Variants in KIF26B observed in about 807,000 individuals in gnomAD.
KIF26B encodes the protein kinesin-like protein KIF26B.
A neutral mutation model predicts 151.2 loss-of-function variants in KIF26B; 63 were observed. The observed-to-expected ratio is 0.42, with a 90% CI of 0.34 to 0.51. KIF26B has a LOEUF of 0.51. KIF26B is among the 20% of genes least tolerant of loss of function. The pLI is 0.07. For missense variants in KIF26B, 2,813 were observed against 2,913.6 expected, an observed-to-expected ratio of 0.97 and a Z score of 0.79; for synonymous variants, 1,357 against 1,262.1, an observed-to-expected ratio of 1.08 and a Z score of -1.59.
In KIF26B at chr1:245,705,310, G is replaced by A. The variant is rs2044826611; in HGVS notation, c.*2704G>A. On this transcript the variant is annotated 3_prime_UTR_variant, in exon 15 of 15. Transcript: ENST00000407071. Reference sequence around the variant, plus strand: ...TTTGACCTAAATAAGCTGCAAACATGTTAATTTACCAATATTGATAAACCA... The same window carrying A: ...TTTGACCTAAATAAGCTGCAAACATATTAATTTACCAATATTGATAAACCA... The A allele has an allele frequency of 1.3e-5, 2 of 152,078 alleles. No homozygotes were observed. The highest frequency in any genetic ancestry group is 4.8e-5 in the African/African-American group (2 of 41,380). The allele number at this position is 152,078 out of a possible 1,614,324, so 9.4% of individuals were successfully genotyped here. A position where few individuals can be genotyped will look rare whatever the true frequency, so the allele number is the denominator to read the frequency against.
chr1:245,363,148 G>A (rs1245907860), intron 2 of KIF26B, among the ~76,000 whole-genome samples: 2 of 152,152 alleles, frequency 1.3e-5, no homozygotes, highest in East Asian at 3.9e-4. Context: ...GTCCATATCA[G>A]GAAAGCATGG....
chr1:245,477,702 G>T (rs1315229296), intron 4 of KIF26B, among the ~76,000 whole-genome samples: 1 of 151,626 alleles, frequency 6.6e-6, no homozygotes, highest in Non-Finnish European at 1.5e-5. Flanking sequence ...TGAAGGGAGA[G>T]CGGGCCTGTC....
At chr1:245,494,563 G>A (rs1219270806) in intron 4 of KIF26B, among the ~76,000 whole-genome samples, 1 of 151,934 alleles carries the variant, frequency 6.6e-6, no homozygotes, top group East Asian at 1.9e-4. Context: ...CTCATAAGTT[G>A]TTTCAATGAA....
intron 10 of KIF26B, among the ~76,000 whole-genome samples, chr1:245,664,654 TAATAA>T (rs1320205812): frequency 1.3e-5 from 2 of 152,218 alleles, no homozygotes; most frequent in South Asian, 4.1e-4. Context: ...AATGCTTTCT[TAATAA>T]AAGAAAATAC....
At chr1:245,652,102 CTGTGTGTGTGTGTGTGTGTGTGTGTGTG>C (rs56893913) in intron 10 of KIF26B, among the ~76,000 whole-genome samples, 1 of 136,354 alleles carries the variant, frequency 7.3e-6, no homozygotes, top group African/African-American at 2.9e-5. Context: ...ATGTAAGAAT[CTGTGTGTGTGTGTGTGTGTGTGTGTGTG>C]TGTGTGTGTG....
chr1:245,155,201 C>T lies in KIF26B; in HGVS notation c.-224C>T, dbSNP rs934010025. ...GCAGAAGGGGACGAGGAAAAGCATG[C>T]TTTGAAGAGAAGAATAAACCAGCGA... On this transcript the variant is annotated 5_prime_UTR_variant, in exon 1 of 15. Transcript: ENST00000407071. The T allele has an allele frequency of 8.7e-6, 5 of 576,758 alleles. No individual in the cohort carries two copies. The Admixed American group carries it at 1.7e-4, about 19-fold the overall frequency. 35.7% of individuals were successfully genotyped at this position (576,758 alleles called of 1,614,324 possible).
At chr1:245,678,391 G>A (rs76872557) in intron 10 of KIF26B, among the ~76,000 whole-genome samples, 2,008 of 152,228 alleles carry the variant, frequency 0.013, 52 homozygotes, top group African/African-American at 0.046. Flanking sequence ...TGGGTAGAGC[G>A]TGGGATGGTT....
rs576819367 is a variant in KIF26B at position 245,576,762 on chromosome 1, A to G, written c.1351-25815A>G. ...CCTCTGGCCTTTTTCTGTCTGGCAC[A>G]TTGTTTAGACAGGAGGGGTTTGTGT... On this transcript the variant is annotated intron_variant, in intron 5 of 14. Transcript: ENST00000407071. Among the ~76,000 whole-genome samples, 4 of 152,270 alleles carry G rather than the reference A, an allele frequency of 2.6e-5. No individual in the cohort carries two copies. In the South Asian group the frequency reaches 8.3e-4, roughly 32 times the overall value.
chr1:245,469,908 G>C (rs747738305), intron 4 of KIF26B, among the ~76,000 whole-genome samples: 1 of 152,024 alleles, frequency 6.6e-6, no homozygotes, highest in Admixed American at 6.6e-5. Flanking sequence ...GCAGAAAGCA[G>C]TCTATGGATT....
Position 245,478,458 on chromosome 1 carries a change from T to C in KIF26B, c.1166+58713T>C, listed in dbSNP as rs370583887. On this transcript the variant is annotated intron_variant, in intron 4 of 14. Transcript: ENST00000407071. ...TTTTTTTTTTTTTGAGACGGAGTCT[T>C]GCTCTGTCGCCCAGGCTGGAGTGCG... Among the ~76,000 whole-genome samples, 400 of 133,106 alleles carry C rather than the reference T, an allele frequency of 3.0e-3. 15 individuals are homozygous for C. In the East Asian group the frequency reaches 0.069, roughly 23 times the overall value. The allele number at this position is 133,106 out of a possible 152,430, so 87.3% of individuals were successfully genotyped here. A position where few individuals can be genotyped will look rare whatever the true frequency, so the allele number is the denominator to read the frequency against.
chr1:245,337,363 C>T (rs980178713), intron 2 of KIF26B, among the ~76,000 whole-genome samples: 16 of 151,386 alleles, frequency 1.1e-4, no homozygotes, highest in Admixed American at 4.6e-4. Context: ...GTAGGGGTGG[C>T]GGGGGTCGGG....
intron 5 of KIF26B, among the ~76,000 whole-genome samples, chr1:245,573,350 C>T (rs1270911344): frequency 3.3e-5 from 5 of 152,038 alleles, no homozygotes; most frequent in Non-Finnish European, 7.4e-5. Flanking sequence ...GACGAAACCC[C>T]GTCTCTACTA....
intron 5 of KIF26B, among the ~76,000 whole-genome samples, chr1:245,576,178 A>G (rs2043116984): frequency 1.3e-5 from 2 of 152,162 alleles, no homozygotes; most frequent in Admixed American, 1.3e-4. Context: ...AGCGCAGGTG[A>G]TCCTCATGAG....
At chr1:245,527,746 G>T (rs954634925) in intron 4 of KIF26B, among the ~76,000 whole-genome samples, 4 of 151,596 alleles carry the variant, frequency 2.6e-5, no homozygotes, top group African/African-American at 9.7e-5. Context: ...CATTAGCCAG[G>T]ATGGTCTCGA....
At chr1:245,187,434 C>G (rs139772087) in intron 2 of KIF26B, among the ~76,000 whole-genome samples, 205 of 152,302 alleles carry the variant, frequency 1.3e-3, no homozygotes, top group African/African-American at 4.6e-3. Flanking sequence ...ATTCAAAGCT[C>G]AGACTTCACC....
intron 2 of KIF26B, among the ~76,000 whole-genome samples, chr1:245,362,707 T>C (rs1378813257): frequency 6.6e-6 from 1 of 152,088 alleles, no homozygotes; most frequent in Non-Finnish European, 1.5e-5. Context: ...GACCTGACCT[T>C]GGGTGATCCG....
chr1:245,354,515 G>A (rs190892480), intron 2 of KIF26B, among the ~76,000 whole-genome samples: 7 of 152,336 alleles, frequency 4.6e-5, no homozygotes, highest in East Asian at 3.9e-4. Context: ...TGTCAGCGGC[G>A]CCTCTGTCAC....
intron 4 of KIF26B, among the ~76,000 whole-genome samples, chr1:245,499,054 C>T (rs1419624306): frequency 6.6e-6 from 1 of 152,142 alleles, no homozygotes; most frequent in Non-Finnish European, 1.5e-5. Context: ...GAAGGAACAA[C>T]TTGGATTGCC....
At chr1:245,424,501 C>A (rs1490760829) in intron 4 of KIF26B, among the ~76,000 whole-genome samples, 1 of 152,056 alleles carries the variant, frequency 6.6e-6, no homozygotes, top group Non-Finnish European at 1.5e-5. Flanking sequence ...GTGGAATTAG[C>A]CTGTGTTTTT....
Sources: gnomAD v4.1 joint callset for allele counts (sites outside exome capture counted in the v4.1 genomes callset) on GRCh38, gnomAD v4.1.1 for gene constraint, MANE v1.5 for transcripts, NCBI Gene and HGNC (gene_info 2026-07-23, HGNC 2026-07-21) for gene names.